Variants in IKZF4 observed in about 807,000 individuals in gnomAD.
The protein encoded by IKZF4 is zinc finger protein Eos.
IKZF4 carries 11 observed loss-of-function variants against 47.7 expected under a neutral mutation model. That is an observed-to-expected ratio of 0.23 (90% CI 0.15 to 0.38). The LOEUF (loss-of-function observed/expected upper bound fraction) is 0.38, where lower values mean the gene tolerates loss of function less well. Among genes scored for constraint, IKZF4 ranks in the 10% least tolerant of loss-of-function variants. IKZF4 has a pLI of 1.00. For synonymous variants in IKZF4, 298 were observed against 299.4 expected (o/e 1.00, Z 0.05); for missense variants, 557 against 784.9 (o/e 0.71, Z 3.47).
At chr12:56,024,018 T>C (rs1388899888) in intron 2 of IKZF4, 1 of 745,502 alleles carries the variant, frequency 1.3e-6, no homozygotes, top group Non-Finnish European at 1.6e-6. Context: ...TGTGTGTTTA[T>C]CTACATGTAT....
rs796364726 is a variant in IKZF4 at position 56,036,408 on chromosome 12, G to T, written c.*1077G>T. 3 of 152,302 alleles carry T rather than the reference G, an allele frequency of 2.0e-5. No individual in the cohort carries two copies. Among genetic ancestry groups the T allele is most frequent in the African/African-American group, 7.2e-5 (3 of 41,444 alleles). 9.4% of individuals were successfully genotyped at this position (152,302 alleles called of 1,614,324 possible). On this transcript the variant is annotated 3_prime_UTR_variant, in exon 8 of 8. Coordinates refer to ENST00000547167, the MANE Select transcript of IKZF4 (RefSeq NM_022465.4). ...TCCTATGAGAAACTAGTGGGTTGCT[G>T]CCTGATGACAAGGGGTTGTTTCAGC...
chr12:56,024,083 A>T (rs1488522416), intron 2 of IKZF4: 2 of 295,682 alleles, frequency 6.8e-6, no homozygotes, highest in Admixed American at 6.5e-5. Context: ...GGATTTTTTT[A>T]AAAAAGACAT....
At chr12:56,028,353 G>C (rs938001988) in intron 5 of IKZF4, among the ~76,000 whole-genome samples, 1 of 150,038 alleles carries the variant, frequency 6.7e-6, no homozygotes, top group African/African-American at 2.4e-5. Flanking sequence ...GTGAAACCCT[G>C]TCTCTACTAA....
At chr12:56,016,646 G>C (rs1019344074), upstream of IKZF4, among the ~76,000 whole-genome samples, 1 of 151,858 alleles carries the variant, frequency 6.6e-6, no homozygotes, top group South Asian at 2.1e-4. Context: ...GCCCAGGCTG[G>C]AGTGCAACGG....
chr12:56,030,484 C>T (rs1453836583), intron 5 of IKZF4, among the ~76,000 whole-genome samples: 1 of 150,440 alleles, frequency 6.6e-6, no homozygotes, highest in East Asian at 2.0e-4. Flanking sequence ...AATCCCAGCA[C>T]TTTGGGAGGC....
upstream of IKZF4, chr12:56,019,228 C>A: frequency 3.6e-6 from 1 of 280,734 alleles, no homozygotes; most frequent in Non-Finnish European, 5.4e-6. Flanking sequence ...ATAATAGAAA[C>A]CAAAACTGGG....
At chr12:56,033,037 G>A (rs1049421103) in intron 6 of IKZF4, among the ~76,000 whole-genome samples, 153 bp from the exon 7 acceptor site, 1 of 152,162 alleles carries the variant, frequency 6.6e-6, no homozygotes, top group Non-Finnish European at 1.5e-5. Context: ...TTATTGGAGT[G>A]AGCTTTAGGT....
At chr12:56,027,437 A>G (rs1894212625) in intron 4 of IKZF4, among the ~76,000 whole-genome samples, 1 of 151,980 alleles carries the variant, frequency 6.6e-6, no homozygotes, top group Non-Finnish European at 1.5e-5. Flanking sequence ...CAACAACAAC[A>G]AAACAGAAAA....
intron 1 of IKZF4, among the ~76,000 whole-genome samples, chr12:56,008,841 A>C (rs1325745979): frequency 6.6e-6 from 1 of 151,378 alleles, no homozygotes. Context: ...CCCCTGGCTA[A>C]TTTTTTGTAT....
At chr12:56,033,446 G>A (rs976476724) in intron 7 of IKZF4, 125 bp downstream of exon 7, 33 of 1,210,704 alleles carry the variant, frequency 2.7e-5, no homozygotes, top group Admixed American at 2.3e-4. Context: ...AGTGGCTCAC[G>A]TCTGTAATCC....
chr12:56,035,573 CTGAG>C lies in IKZF4; in HGVS notation c.*244_*247del, dbSNP rs1189030058. The C allele has an allele frequency of 2.4e-6, 1 of 421,544 alleles. No individual in the cohort carries two copies. The highest frequency in any genetic ancestry group is 3.9e-5 in the Admixed American group (1 of 25,320). 26.1% of individuals were successfully genotyped at this position (421,544 alleles called of 1,614,324 possible). ...TTTTATCTTCTCTCATCCCAGCATA[CTGAG>C]TTATTTATTAATTAGTTGATTTATT... On this transcript the variant is annotated 3_prime_UTR_variant, in exon 8 of 8. Coordinates refer to ENST00000547167, the MANE Select transcript of IKZF4 (RefSeq NM_022465.4). The surrounding 1 kb of genome is among the most constrained non-coding windows in gnomAD (Gnocchi z 6.1).
At chr12:56,014,779 CA>C (rs894938341) in intron 2 of IKZF4, among the ~76,000 whole-genome samples, 5 of 142,718 alleles carry the variant, frequency 3.5e-5, no homozygotes, top group African/African-American at 1.4e-4. Flanking sequence ...GACTCCGTCT[CA>C]AAAAAAAAAA....
At chr12:56,025,548 C>G (rs919258480) in intron 3 of IKZF4, among the ~76,000 whole-genome samples, 1 of 152,174 alleles carries the variant, frequency 6.6e-6, no homozygotes, top group Non-Finnish European at 1.5e-5. Flanking sequence ...GACTGCCTCT[C>G]CCCAGCTGGC....
upstream of IKZF4, among the ~76,000 whole-genome samples, chr12:56,017,450 A>G (rs1485426216): frequency 1.3e-5 from 2 of 151,942 alleles, no homozygotes; most frequent in East Asian, 1.9e-4. Context: ...GACTGAACCC[A>G]GCTTCTTAAT....
At position 56,021,383 on chromosome 12, in the gene IKZF4, T is replaced by C. The variant is rs1196661982; in HGVS notation, c.-111T>C. ...TGCAGCCGTGGGCCTCTGCTCACCG[T>C]GCCGCTGCTGCTGCCTGCGAAATGA... On this transcript the variant is annotated 5_prime_UTR_variant, in exon 1 of 8. Coordinates refer to ENST00000547167, the MANE Select transcript of IKZF4 (RefSeq NM_022465.4). 2 of 1,548,648 alleles carry C rather than the reference T, an allele frequency of 1.3e-6. No individual in the cohort carries two copies.
At chr12:56,032,337 A>G in intron 5 of IKZF4, 1 of 500,264 alleles carries the variant, frequency 2.0e-6, no homozygotes, top group Non-Finnish European at 3.6e-6. Flanking sequence ...CACATGCCCT[A>G]GGATTCCCTT....
At chr12:56,016,168 G>C (rs531381832), upstream of IKZF4, among the ~76,000 whole-genome samples, 1 of 150,994 alleles carries the variant, frequency 6.6e-6, no homozygotes, top group Non-Finnish European at 1.5e-5. Context: ...GGGTGGGGGT[G>C]GGGGGGCAGG....
chr12:56,037,837 A>T lies in IKZF4; in HGVS notation c.*2506A>T, dbSNP rs932917710. 5 of 148,666 alleles carry T rather than the reference A, an allele frequency of 3.4e-5. No homozygotes were observed. Among genetic ancestry groups the T allele is most frequent in the African/African-American group, 9.9e-5 (4 of 40,512 alleles). 9.2% of individuals were successfully genotyped at this position (148,666 alleles called of 1,614,324 possible). ...TGCTCTCTCCCAGCTCCTTTTGCAT[A>T]AAAAAAAAAGTAAAGAAAAAGAAAA... On this transcript the variant is annotated 3_prime_UTR_variant, in exon 8 of 8. Coordinates refer to ENST00000547167, the MANE Select transcript of IKZF4 (RefSeq NM_022465.4).
intron 4 of IKZF4, 57 bp downstream of exon 4, chr12:56,027,098 G>C: frequency 1.4e-6 from 2 of 1,429,730 alleles, no homozygotes; most frequent in Non-Finnish European, 1.8e-6. Context: ...GAGAGGCAGG[G>C]GCAGTGCTGG....
Sources: allele counts gnomAD v4.1 joint callset (sites outside exome capture counted in the v4.1 genomes callset), GRCh38; gene constraint gnomAD v4.1.1; non-coding constraint Gnocchi (gnomAD v3.1); transcripts MANE v1.5; gene names NCBI Gene and HGNC (gene_info 2026-07-23, HGNC 2026-07-21).